Variants in AGMO observed in about 807,000 individuals in gnomAD.
AGMO encodes alkylglycerol monooxygenase.
AGMO carries 75 observed loss-of-function variants against 60.2 expected under a neutral mutation model. The observed-to-expected ratio is 1.25, with a 90% CI of 1.03 to 1.51. The LOEUF (loss-of-function observed/expected upper bound fraction) is 1.51. AGMO is among the 40% of genes most tolerant of loss of function. The pLI, the probability that AGMO is intolerant of heterozygous loss-of-function variation, is 0.00. For missense variants in AGMO, 763 were observed against 525.5 expected (o/e 1.45, Z -4.42); for synonymous variants, 261 against 177.1 (o/e 1.47, Z -3.76).
At chr7:15,162,509 A>T in the AGMO span, among the ~76,000 whole-genome samples, 1 of 152,150 alleles carries the variant, frequency 6.6e-6, no homozygotes, top group Middle Eastern at 3.4e-3. Context: ...CCTGGACAAC[A>T]TGGTGGAAAC....
chr7:15,508,968 C>A (rs555078595), intron 3 of AGMO, among the ~76,000 whole-genome samples: 1 of 152,190 alleles, frequency 6.6e-6, no homozygotes, highest in African/African-American at 2.4e-5. Flanking sequence ...GTCAAAAATG[C>A]TAAAAATTGA....
chr7:15,412,565 A>C (rs1183820660), intron 5 of AGMO, among the ~76,000 whole-genome samples: 1 of 151,936 alleles, frequency 6.6e-6, no homozygotes. Flanking sequence ...GAGGTTGAAA[A>C]GTTGTAAAAT....
chr7:15,274,220 T>G (rs1192221408), intron 12 of AGMO, among the ~76,000 whole-genome samples: 2 of 152,184 alleles, frequency 1.3e-5, no homozygotes, highest in African/African-American at 4.8e-5. Context: ...AGGGAATGTT[T>G]CCAGTTTTTG....
chr7:15,407,365 A>G (rs1173983357), intron 5 of AGMO, among the ~76,000 whole-genome samples: 1 of 151,208 alleles, frequency 6.6e-6, no homozygotes, highest in African/African-American at 2.4e-5. Flanking sequence ...AGAAGGAAAG[A>G]TTATTTTACA....
intron 12 of AGMO, among the ~76,000 whole-genome samples, chr7:15,355,061 G>A (rs952231276): frequency 1.4e-4 from 22 of 152,128 alleles, no homozygotes; most frequent in African/African-American, 5.1e-4. Flanking sequence ...ATAGTACCAT[G>A]GACATAGATT....
At chr7:15,370,368 G>A (rs1783159493) in intron 10 of AGMO, among the ~76,000 whole-genome samples, 1 of 152,166 alleles carries the variant, frequency 6.6e-6, no homozygotes, top group Admixed American at 6.5e-5. Context: ...GAACATGAGT[G>A]CATGTGTCTT....
chr7:15,342,321 G>T (rs564981319), intron 12 of AGMO, among the ~76,000 whole-genome samples: 2 of 151,868 alleles, frequency 1.3e-5, no homozygotes, highest in African/African-American at 4.8e-5. Flanking sequence ...GTGAAGACCA[G>T]AAAACAAAGG....
the AGMO span, among the ~76,000 whole-genome samples, chr7:15,174,302 T>C: frequency 1.3e-5 from 2 of 152,092 alleles, no homozygotes; most frequent in African/African-American, 4.8e-5. Flanking sequence ...GTTAACCCTT[T>C]TACCTGAGAA....
chr7:15,384,776 TGAA>T (rs1367584929), intron 10 of AGMO, among the ~76,000 whole-genome samples: 18 of 151,594 alleles, frequency 1.2e-4, no homozygotes, highest in South Asian at 2.1e-4. Flanking sequence ...AAATTTTTAA[TGAA>T]GAATACAAAT....
the AGMO span, among the ~76,000 whole-genome samples, chr7:15,151,607 G>A: frequency 6.6e-6 from 1 of 152,066 alleles, no homozygotes; most frequent in Non-Finnish European, 1.5e-5. Context: ...CCATGTAATT[G>A]TATGGTTTTG....
intron 3 of AGMO, among the ~76,000 whole-genome samples, chr7:15,451,348 T>C (rs1443490868): frequency 6.6e-6 from 1 of 152,214 alleles, no homozygotes; most frequent in Non-Finnish European, 1.5e-5. Context: ...TGATGAATTC[T>C]GGGTAATTAC....
Position 15,263,318 on chromosome 7 carries a change from T to C in AGMO, c.1264-61959A>G, listed in dbSNP as rs143406721. Among the ~76,000 whole-genome samples the C allele has an allele frequency of 1.4e-3, 216 of 151,390 alleles. 3 individuals carry two copies. The East Asian group carries it at 0.032, about 23-fold the overall frequency. On this transcript the variant is annotated intron_variant, in intron 12 of 12. Transcript: ENST00000342526. ...GATATACAAATGGCCAACAAACATA[T>C]AGAAAAAAAATGTTCAACATCACTC... is the stretch of plus-strand genomic sequence containing the variant.
chr7:15,360,020 T>A (rs1468784105), intron 12 of AGMO, among the ~76,000 whole-genome samples: 1 of 152,220 alleles, frequency 6.6e-6, no homozygotes, highest in African/African-American at 2.4e-5. Flanking sequence ...ATAGGAGTGG[T>A]AATGTTAGTT....
At chr7:15,420,127 A>G (rs1194729442) in intron 4 of AGMO, among the ~76,000 whole-genome samples, 2 of 152,134 alleles carry the variant, frequency 1.3e-5, no homozygotes, top group African/African-American at 4.8e-5. Context: ...ATGAATATTT[A>G]TAGTTCATTA....
At chr7:15,397,090 C>T (rs1485918523) in intron 5 of AGMO, among the ~76,000 whole-genome samples, 2 of 152,158 alleles carry the variant, frequency 1.3e-5, no homozygotes, top group East Asian at 1.9e-4. Context: ...CTGTCACTGG[C>T]ACCCGCCAGG....
intron 3 of AGMO, among the ~76,000 whole-genome samples, chr7:15,512,146 A>G (rs999609032): frequency 8.5e-5 from 13 of 152,358 alleles, no homozygotes; most frequent in African/African-American, 2.9e-4. Context: ...TACAACAGTT[A>G]CAACTCTTTA....
chr7:15,493,334 A>AACAC (rs144549105), intron 3 of AGMO, among the ~76,000 whole-genome samples: 2,929 of 70,338 alleles, frequency 0.042, 170 homozygotes, highest in East Asian at 0.13. Flanking sequence ...AAACACACAA[A>AACAC]ACACACACAC....
intron 5 of AGMO, among the ~76,000 whole-genome samples, chr7:15,413,938 TC>T (rs1331393563): frequency 6.6e-6 from 1 of 152,312 alleles, no homozygotes; most frequent in East Asian, 1.9e-4. Flanking sequence ...TCTTCTTGAT[TC>T]CTTTAAATAT....
At chr7:15,260,567 T>C (rs1364236996) in intron 12 of AGMO, among the ~76,000 whole-genome samples, 2 of 152,066 alleles carry the variant, frequency 1.3e-5, no homozygotes, top group East Asian at 3.8e-4. Context: ...ACAATAATAG[T>C]GGGGGACTTT....
Sources: gnomAD v4.1 joint callset for allele counts (sites outside exome capture counted in the v4.1 genomes callset) on GRCh38, gnomAD v4.1.1 for gene constraint, MANE v1.5 for transcripts, NCBI Gene and HGNC (gene_info 2026-07-23, HGNC 2026-07-21) for gene names.